Variants in GSE1 observed in about 807,000 individuals in gnomAD.
GSE1 encodes the protein genetic suppressor element 1.
In GSE1, 32 loss-of-function variants were observed where a neutral mutation model predicts 112.6. The observed-to-expected ratio is 0.28, with a 90% CI of 0.21 to 0.38. The LOEUF (loss-of-function observed/expected upper bound fraction) is 0.38, where lower values mean the gene tolerates loss of function less well. GSE1 is among the 10% of genes least tolerant of loss of function. The pLI is 1.00. For synonymous variants in GSE1, 1,115 were observed against 735.6 expected, an observed-to-expected ratio of 1.52 and a Z score of -8.35; for missense variants, 2,348 against 1,699.2, an observed-to-expected ratio of 1.38 and a Z score of -6.71.
At chr16:85,614,321 G>GCCGC (rs1049399512) in intron 1 of GSE1, among the ~76,000 whole-genome samples, 9 of 152,096 alleles carry the variant, frequency 5.9e-5, no homozygotes, top group Admixed American at 1.3e-4. Context: ...CACCTCCTCG[G>GCCGC]CCGCCCGCCC....
At chr16:85,555,738 AC>A, upstream of GSE1, 1 of 958,650 alleles carries the variant, frequency 1.0e-6, no homozygotes, top group Non-Finnish European at 1.2e-6. Context: ...AGGTCTCTTG[AC>A]CCTCGCCCTT....
intron 2 of GSE1, among the ~76,000 whole-genome samples, chr16:85,523,937 C>G (rs2052277239): frequency 6.6e-6 from 1 of 152,172 alleles, no homozygotes; most frequent in Non-Finnish European, 1.5e-5. Context: ...CAGCTTACTC[C>G]CTCGGTTTCT....
At chr16:85,600,735 C>G (rs2047427678) in intron 1 of GSE1, among the ~76,000 whole-genome samples, 1 of 152,112 alleles carries the variant, frequency 6.6e-6, no homozygotes, top group Non-Finnish European at 1.5e-5. Context: ...TAAACCCATC[C>G]TTGTCAACTG....
intron 2 of GSE1, among the ~76,000 whole-genome samples, chr16:85,506,194 T>C (rs1460982060): frequency 6.6e-6 from 1 of 152,176 alleles, no homozygotes; most frequent in East Asian, 1.9e-4. Context: ...AGCAATGTCC[T>C]GTGTGTGGTG....
exon 2 of GSE1, chr16:85,357,542 C>T (rs1340098998): frequency 1.2e-5 from 15 of 1,285,016 alleles, no homozygotes; most frequent in Non-Finnish European, 1.4e-5. Context: ...CGCGCCCCCA[C>T]GGAGACCCTG....
At chr16:85,379,888 T>C (rs539924329) in intron 2 of GSE1, among the ~76,000 whole-genome samples, 2 of 152,334 alleles carry the variant, frequency 1.3e-5, no homozygotes, top group South Asian at 4.1e-4. Context: ...TTCTAAGACG[T>C]AGCCATTAGC....
At chr16:85,177,059 C>T (rs974085333) in intron 1 of GSE1, among the ~76,000 whole-genome samples, 2 of 152,244 alleles carry the variant, frequency 1.3e-5, no homozygotes, top group African/African-American at 2.4e-5. Flanking sequence ...TTCTCAAACT[C>T]AGAGGAGTGA....
At chr16:85,411,777 CCT>C (rs1302532696) in intron 2 of GSE1, among the ~76,000 whole-genome samples, 2 of 23,838 alleles carry the variant, frequency 8.4e-5, no homozygotes, top group Non-Finnish European at 2.6e-4. Context: ...TCAGGGCCCC[CCT>C]GGATAATCCT....
At chr16:85,430,633 G>T (rs2049097291) in intron 2 of GSE1, among the ~76,000 whole-genome samples, 1 of 152,216 alleles carries the variant, frequency 6.6e-6, no homozygotes, top group African/African-American at 2.4e-5. Context: ...CATGGAACGG[G>T]GACGCCTGGT....
chr16:85,563,179 C>T (rs4072352), intron 1 of GSE1, among the ~76,000 whole-genome samples: 17,880 of 150,788 alleles, frequency 0.12, 1,439 homozygotes, highest in African/African-American at 0.23. Context: ...TCCTCCTCCT[C>T]CTCCTCTTCC....
intron 1 of GSE1, chr16:85,185,095 A>G (rs2074672114): frequency 6.6e-6 from 1 of 152,238 alleles, no homozygotes; most frequent in Non-Finnish European, 1.5e-5. Context: ...GATTTGGCAC[A>G]TTCGTGGTTG....
chr16:85,303,120 G>A (rs2045571848), intron 1 of GSE1, among the ~76,000 whole-genome samples: 1 of 152,248 alleles, frequency 6.6e-6, no homozygotes, highest in East Asian at 1.9e-4. Flanking sequence ...CGGGTTTAGT[G>A]ACCATCCCTC....
rs1268976395 is a variant in GSE1 at position 85,674,304 on chromosome 16, C to G, written c.*1765C>G. ...CGCACAGTTTGCTTTGTACGTCTGC[C>G]AAGAATCTTCCAGTTATTAGCAAAC... On this transcript the variant is annotated 3_prime_UTR_variant, in exon 16 of 16. Coordinates refer to ENST00000253458, the MANE Select transcript of GSE1 (RefSeq NM_014615.5). 6.6e-6 allele frequency: 1 copy of G among 152,268 alleles called. No homozygotes were observed. Among genetic ancestry groups the G allele is most frequent in the African/African-American group, 2.4e-5 (1 of 41,470 alleles). 9.4% of individuals were successfully genotyped at this position (152,268 alleles called of 1,614,324 possible).
chr16:85,185,647 A>T (rs1184098977), intron 1 of GSE1, among the ~76,000 whole-genome samples: 1 of 152,228 alleles, frequency 6.6e-6, no homozygotes, highest in Non-Finnish European at 1.5e-5. Flanking sequence ...ATGTCATAAG[A>T]ATTTCTCTGG....
chr16:85,607,835 T>C (rs2047777615), upstream of GSE1, among the ~76,000 whole-genome samples: 1 of 152,150 alleles, frequency 6.6e-6, no homozygotes, highest in Non-Finnish European at 1.5e-5. Flanking sequence ...GGGGCCTTCT[T>C]CCCTTGAGGC....
chr16:85,254,343 C>G (rs1465174061), intron 1 of GSE1, among the ~76,000 whole-genome samples: 1 of 152,206 alleles, frequency 6.6e-6, no homozygotes, highest in Non-Finnish European at 1.5e-5. Flanking sequence ...TGCCTGCAGA[C>G]CTGGTTCTCC....
At chr16:85,433,139 A>G (rs893602515) in intron 2 of GSE1, among the ~76,000 whole-genome samples, 1 of 151,904 alleles carries the variant, frequency 6.6e-6, no homozygotes, top group African/African-American at 2.4e-5. Flanking sequence ...CTCTTGTTCA[A>G]CAGAGGGCCT....
At chr16:85,305,515 C>G (rs1393952466) in intron 1 of GSE1, among the ~76,000 whole-genome samples, 1 of 151,670 alleles carries the variant, frequency 6.6e-6, no homozygotes, top group African/African-American at 2.4e-5. Context: ...GAGTCTTGCT[C>G]TGTCACCCAG....
chr16:85,613,235 C>G (rs964445032), upstream of GSE1: 5 of 1,511,954 alleles, frequency 3.3e-6, no homozygotes, highest in Non-Finnish European at 4.4e-6. Context: ...GCGACAGCAG[C>G]AGGTGTTTCT....
Sources: allele counts gnomAD v4.1 joint callset (sites outside exome capture counted in the v4.1 genomes callset), GRCh38; gene constraint gnomAD v4.1.1; transcripts MANE v1.5; gene names NCBI Gene and HGNC (gene_info 2026-07-23, HGNC 2026-07-21).